KCND2: variants seen among roughly 807,000 people sequenced by gnomAD.
The protein encoded by KCND2 is potassium voltage-gated channel subfamily D member 2.
A neutral mutation model predicts 54.4 loss-of-function variants in KCND2; 16 were observed. The ratio of observed to expected loss-of-function variants is 0.29; its 90% CI spans 0.20 to 0.45. KCND2 has a LOEUF of 0.45. KCND2 is among the 20% of genes least tolerant of loss of function. KCND2 has a pLI of 1.00. For synonymous variants in KCND2, 317 were observed against 310.7 expected (o/e 1.02, Z -0.21); for missense variants, 486 against 824.2 (o/e 0.59, Z 5.02).
intron 1 of KCND2, among the ~76,000 whole-genome samples, chr7:120,409,419 T>C (rs1375824581): frequency 1.3e-5 from 2 of 151,938 alleles, no homozygotes; most frequent in African/African-American, 4.8e-5. Flanking sequence ...AAAATATCTG[T>C]TTGAGATTGC....
intron 1 of KCND2, among the ~76,000 whole-genome samples, chr7:120,526,845 CAT>C (rs1235448933): frequency 1.3e-5 from 2 of 152,016 alleles, no homozygotes; most frequent in African/African-American, 4.8e-5. Flanking sequence ...TTTCTATTGA[CAT>C]GTCATTAATT....
At chr7:120,697,701 A>C (rs867136819) in intron 1 of KCND2, among the ~76,000 whole-genome samples, 1 of 152,234 alleles carries the variant, frequency 6.6e-6, no homozygotes, top group African/African-American at 2.4e-5. Context: ...TAATGATAAG[A>C]TAATGCTAAG....
At chr7:120,584,747 C>T (rs1792570262) in intron 1 of KCND2, among the ~76,000 whole-genome samples, 1 of 152,258 alleles carries the variant, frequency 6.6e-6, no homozygotes. Flanking sequence ...CTCACGTGCT[C>T]ACGCACACAC....
chr7:120,422,979 C>T (rs1447101096), intron 1 of KCND2, among the ~76,000 whole-genome samples: 2 of 152,178 alleles, frequency 1.3e-5, no homozygotes, highest in Non-Finnish European at 2.9e-5. Flanking sequence ...CCTCTTCAGA[C>T]ATTTCTGAAC....
At chr7:120,556,104 C>A (rs539237506) in intron 1 of KCND2, among the ~76,000 whole-genome samples, 1 of 152,222 alleles carries the variant, frequency 6.6e-6, no homozygotes, top group East Asian at 1.9e-4. Context: ...ACAAATGTTT[C>A]TATGCCATCA....
chr7:120,395,495 C>G (rs966983327), intron 1 of KCND2, among the ~76,000 whole-genome samples: 3 of 151,948 alleles, frequency 2.0e-5, no homozygotes, highest in Non-Finnish European at 1.5e-5. Context: ...TGGGAGAGTT[C>G]TTGGCTTCAC....
chr7:120,729,881 A>G (rs557509910), intron 1 of KCND2, among the ~76,000 whole-genome samples: 1 of 152,188 alleles, frequency 6.6e-6, no homozygotes, highest in South Asian at 2.1e-4. Context: ...TGTATCTGCA[A>G]CCTCTTTTAC....
At chr7:120,428,165 T>G (rs768723834) in intron 1 of KCND2, among the ~76,000 whole-genome samples, 1 of 152,254 alleles carries the variant, frequency 6.6e-6, no homozygotes, top group Non-Finnish European at 1.5e-5. Context: ...CAACTCATTC[T>G]TTAAAAATCA....
chr7:120,355,376 ATC>A (rs1198355829), intron 1 of KCND2, among the ~76,000 whole-genome samples: 2 of 152,070 alleles, frequency 1.3e-5, no homozygotes, highest in Non-Finnish European at 2.9e-5. Flanking sequence ...GTGAAACCCC[ATC>A]TCTACTAAAA....
intron 1 of KCND2, among the ~76,000 whole-genome samples, chr7:120,437,204 C>CTTTTTTTTTTTTTT (rs66518858): frequency 1.5e-5 from 2 of 130,428 alleles, no homozygotes; most frequent in Admixed American, 8.1e-5. Flanking sequence ...CAATATACAA[C>CTTTTTTTTTTTTTT]TTTTTTTTTT....
chr7:120,287,156 T>C (rs1237340943), intron 1 of KCND2, among the ~76,000 whole-genome samples: 1 of 152,098 alleles, frequency 6.6e-6, no homozygotes, highest in African/African-American at 2.4e-5. Context: ...TCACAAAATA[T>C]TTAGAAATAT....
At position 120,366,239 on chromosome 7, in the gene KCND2, C is replaced by T. The variant is rs934760289; in HGVS notation, c.1115+90492C>T. On this transcript the variant is annotated intron_variant, in intron 1 of 5. Coordinates refer to ENST00000331113, the MANE Select transcript of KCND2 (RefSeq NM_012281.3). The stretch of plus-strand genomic sequence containing the variant: ...GTGGCTTACACCTGTAACACCAGCA[C>T]TTTGGGAGTCCAAGGCAGACATATC... 1.5e-4 allele frequency among the ~76,000 whole-genome samples: 23 copies of T among 152,054 alleles called. No homozygotes were observed. The South Asian group carries it at 2.1e-3, about 14-fold the overall frequency.
At chr7:120,346,814 C>T (rs981604121) in intron 1 of KCND2, among the ~76,000 whole-genome samples, 3 of 152,050 alleles carry the variant, frequency 2.0e-5, no homozygotes, top group Non-Finnish European at 4.4e-5. Context: ...AAAAATGTGA[C>T]AGAAGCTTCT....
At chr7:120,745,062 A>G (rs1336212745) in intron 4 of KCND2, among the ~76,000 whole-genome samples, 3 of 152,190 alleles carry the variant, frequency 2.0e-5, no homozygotes, top group Non-Finnish European at 4.4e-5. Context: ...CCCCAAATGC[A>G]TACAGAGATC....
rs1281242123 is a variant in KCND2, at chr7:120,747,741, TG to T, written c.1777del (p.Val593Ter). Reference sequence around the variant, plus strand: ...TTAAACTAAACTGTGAACAACCTTATGTGACTACAGCAATAATAAGCATCCC... The same window carrying T: ...TTAAACTAAACTGTGAACAACCTTATTGACTACAGCAATAATAAGCATCCC... ...CVKLNCEQPY[V>X]TTAIISIPTP... On this transcript the variant is annotated frameshift_variant, in exon 6 of 6. Coordinates refer to ENST00000331113, the MANE Select transcript of KCND2 (RefSeq NM_012281.3). LOFTEE classifies it high-confidence loss of function. 6.2e-7 allele frequency: 1 copy of T among 1,612,830 alleles called. No individual in the cohort carries two copies. Among genetic ancestry groups the T allele is most frequent in the Non-Finnish European group, 8.5e-7 (1 of 1,179,122 alleles).
chr7:120,349,327 A>AACACACACAC (rs145626165), intron 1 of KCND2, among the ~76,000 whole-genome samples: 7 of 144,542 alleles, frequency 4.8e-5, no homozygotes, highest in South Asian at 2.2e-4. Flanking sequence ...CACACACACA[A>AACACACACAC]ACACACACAC....
At chr7:120,382,014 T>A (rs557678991) in intron 1 of KCND2, among the ~76,000 whole-genome samples, 54 of 151,072 alleles carry the variant, frequency 3.6e-4, no homozygotes, top group African/African-American at 1.2e-3. Flanking sequence ...TACTTTATAG[T>A]TCTATCCAGA....
At chr7:120,378,120 C>T (rs1296636211) in intron 1 of KCND2, among the ~76,000 whole-genome samples, 2 of 151,942 alleles carry the variant, frequency 1.3e-5, no homozygotes, top group Admixed American at 1.3e-4. Context: ...AAATGTTACT[C>T]TCTTTTCTGT....
At chr7:120,476,110 C>T (rs1802530242) in intron 1 of KCND2, among the ~76,000 whole-genome samples, 1 of 152,200 alleles carries the variant, frequency 6.6e-6, no homozygotes, top group Non-Finnish European at 1.5e-5. Flanking sequence ...TAAGTGGTTG[C>T]ATGCACAGAG....
Sources: gnomAD v4.1 joint callset for allele counts (sites outside exome capture counted in the v4.1 genomes callset) on GRCh38, gnomAD v4.1.1 for gene constraint, MANE v1.5 for transcripts, NCBI Gene and HGNC (gene_info 2026-07-23, HGNC 2026-07-21) for gene names.